Variants in SLC45A4 observed in about 807,000 individuals in gnomAD.
SLC45A4 encodes the protein polyamine-transporter SLC45A4.
SLC45A4 carries 32 observed loss-of-function variants against 63.7 expected under a neutral mutation model. The ratio of observed to expected loss-of-function variants is 0.50; its 90% CI spans 0.38 to 0.67. The LOEUF is 0.67. Among genes scored for constraint, SLC45A4 ranks in the 30% least tolerant of loss-of-function variants. SLC45A4 has a pLI of 0.00. For synonymous variants in SLC45A4, 535 were observed against 510.0 expected (o/e 1.05, Z -0.66); for missense variants, 1,027 against 1,157.7 (o/e 0.89, Z 1.64).
intron 1 of SLC45A4, among the ~76,000 whole-genome samples, chr8:141,290,746 C>CACGCTGCGTGTGGTCTT (rs1830315703): frequency 6.6e-6 from 1 of 152,248 alleles, no homozygotes; most frequent in South Asian, 2.1e-4. Context: ...CCAGGCAGCC[C>CACGCTGCGTGTGGTCTT]ACGCTGCGTG....
intron 4 of SLC45A4, 127 bp downstream of exon 4, chr8:141,219,523 G>A: frequency 8.4e-7 from 1 of 1,195,028 alleles, no homozygotes; most frequent in Non-Finnish European, 1.1e-6. Context: ...CTAAGACCCT[G>A]CCCACTGCCT....
At chr8:141,269,159 G>C (rs1478109751) in intron 1 of SLC45A4, among the ~76,000 whole-genome samples, 2 of 152,246 alleles carry the variant, frequency 1.3e-5, no homozygotes, top group Non-Finnish European at 1.5e-5. Flanking sequence ...AGGCTGCGCT[G>C]TCACCCTGGC....
rs1198494313 is a variant in SLC45A4, at chr8:141,278,390, T to C, written c.-400-23761A>G. 1.3e-5 allele frequency: 2 copies of C among 151,750 alleles called. No homozygotes were observed. The highest frequency in any genetic ancestry group is 2.9e-5 in the Non-Finnish European group (2 of 68,552). 9.4% of individuals were successfully genotyped at this position (151,750 alleles called of 1,614,324 possible). On this transcript the variant is annotated intron_variant, in intron 1 of 8. Transcript: ENST00000517878. This position sits in a 1 kb window ranked among gnomAD's most constrained non-coding sequence, Gnocchi z 4.1. The stretch of plus-strand genomic sequence containing the variant: ...CATAAGGACACTAGCGGGACAGGGG[T>C]GAGCACCTGCGGTGGAAGCGGGGCG...
chr8:141,268,323 A>C (rs1257393976), intron 1 of SLC45A4, among the ~76,000 whole-genome samples: 2 of 152,200 alleles, frequency 1.3e-5, no homozygotes, highest in African/African-American at 2.4e-5. Context: ...AGAGAGGCTG[A>C]GGAGGGTGTC....
intron 1 of SLC45A4, among the ~76,000 whole-genome samples, chr8:141,258,863 T>C (rs1316479186): frequency 6.6e-6 from 1 of 150,894 alleles, no homozygotes; most frequent in Non-Finnish European, 1.5e-5. Flanking sequence ...TGAACTCCAG[T>C]CTGCGAGACA....
intron 1 of SLC45A4, among the ~76,000 whole-genome samples, chr8:141,286,946 C>CG (rs1438714057): frequency 3.3e-5 from 5 of 152,104 alleles, no homozygotes; most frequent in Admixed American, 6.5e-5. Context: ...CTGGCGGCCA[C>CG]GGGGCTCCCT....
intron 6 of SLC45A4, 30 bp downstream of exon 6, chr8:141,217,060 G>C (rs770104274): frequency 3.7e-6 from 6 of 1,604,932 alleles, no homozygotes; most frequent in Non-Finnish European, 4.3e-6. Flanking sequence ...TCTGGGGTGC[G>C]AGTGCTGACC....
At chr8:141,301,762 A>AAAAAAAAAAC (rs71322124) in intron 1 of SLC45A4, among the ~76,000 whole-genome samples, 1 of 126,624 alleles carries the variant, frequency 7.9e-6, no homozygotes, top group Admixed American at 8.4e-5. Flanking sequence ...AAAAAAAAAA[A>AAAAAAAAAAC]TCCTGGGCAA....
At chr8:141,212,868 C>T (rs1160489330) in intron 7 of SLC45A4, among the ~76,000 whole-genome samples, 1 of 152,204 alleles carries the variant, frequency 6.6e-6, no homozygotes, top group Middle Eastern at 3.2e-3. Context: ...CAGGCTCCAC[C>T]AGGCGGGCTC....
chr8:141,299,892 T>C (rs1044227544), intron 1 of SLC45A4, among the ~76,000 whole-genome samples: 1 of 152,192 alleles, frequency 6.6e-6, no homozygotes, highest in African/African-American at 2.4e-5. Flanking sequence ...AAGGGACCAA[T>C]GGAGGATCCC....
chr8:141,228,456 C>G (rs1322143371), intron 2 of SLC45A4: 1 of 1,378,006 alleles, frequency 7.3e-7, no homozygotes, highest in African/African-American at 1.5e-5. Context: ...TGTCTCAGGG[C>G]CGACCCTGTG....
intron 1 of SLC45A4, among the ~76,000 whole-genome samples, chr8:141,274,850 C>T (rs4961348): frequency 0.33 from 50,247 of 151,890 alleles, 8,626 homozygotes; most frequent in East Asian, 0.48. Flanking sequence ...CTCTGCAAAA[C>T]CCTTCTACTT....
Position 141,308,258 on chromosome 8 carries a change from C to G in SLC45A4, c.-563G>C, listed in dbSNP as rs933932520. ...GGCCGGCCGGGCGGTCAGTCAGCGA[C>G]GCGGGCGCGGAGAGAGCGCTGCGAG... On this transcript the variant is annotated 5_prime_UTR_variant, in exon 1 of 9. Coordinates refer to ENST00000517878, the MANE Select transcript of SLC45A4 (RefSeq NM_001286646.2). 1 of 147,532 alleles carries G rather than the reference C, an allele frequency of 6.8e-6. No homozygotes were observed. The highest frequency in any genetic ancestry group is 1.5e-5 in the Non-Finnish European group (1 of 66,056). The allele number at this position is 147,532 out of a possible 1,614,324, so 9.1% of individuals were successfully genotyped here.
intron 1 of SLC45A4, among the ~76,000 whole-genome samples, chr8:141,263,641 G>A (rs1829134213): frequency 6.6e-6 from 1 of 150,970 alleles, no homozygotes. Context: ...ATGGTGGCAT[G>A]TGCCTGTAAT....
At chr8:141,217,352 A>T (rs374730057) in intron 5 of SLC45A4, among the ~76,000 whole-genome samples, 163 bp from the exon 6 acceptor site, 16 of 152,354 alleles carry the variant, frequency 1.1e-4, no homozygotes, top group African/African-American at 3.8e-4. Flanking sequence ...TGCTATCTGT[A>T]AAGCATTTCC....
Position 141,218,941 on chromosome 8 carries a change from C to T in SLC45A4, c.699G>A (p.Val233=). The change falls in exon 5 of 9, where the codon GTG becomes GTA. Residue 233 remains valine (V), a synonymous_variant. Transcript: ENST00000517878. ...LGSWFRTQNQ[V]LFFFAAIIFT... ...AGATGATGGCGGCAAAGAAGAAGAG[C>T]ACCTGGTTCTGGGTCCGGAACCAGC... 6.2e-7 allele frequency: 1 copy of T among 1,613,744 alleles called. No individual in the cohort carries two copies. The highest frequency in any genetic ancestry group is 8.5e-7 in the Non-Finnish European group (1 of 1,179,942).
At chr8:141,231,618 C>G (rs1827361895) in intron 2 of SLC45A4, among the ~76,000 whole-genome samples, 1 of 152,188 alleles carries the variant, frequency 6.6e-6, no homozygotes, top group South Asian at 2.1e-4. Flanking sequence ...ACCTGGCCAC[C>G]TGGCATCTTC....
intron 2 of SLC45A4, among the ~76,000 whole-genome samples, chr8:141,223,748 A>G (rs75472454): frequency 2.6e-5 from 4 of 152,286 alleles, no homozygotes; most frequent in East Asian, 1.9e-4. Context: ...TTTTCCACAC[A>G]GCATTGAAGC....
At position 141,251,437 on chromosome 8, in the gene SLC45A4, G is replaced by A. The variant is rs143279160; in HGVS notation, c.241+2552C>T. ...CGCTGGTCGGGTCACTTTCTTTCTC[G>A]AAGCGCCCCCCCTGCCACAGAGCTA... On this transcript the variant is annotated intron_variant, in intron 2 of 8. Transcript: ENST00000517878. 3.5e-3 allele frequency among the ~76,000 whole-genome samples: 529 copies of A among 151,838 alleles called. 8 individuals are homozygous for A. Among genetic ancestry groups the A allele is most frequent in the African/African-American group, 0.012 (502 of 41,378 alleles).
Sources: allele counts gnomAD v4.1 joint callset (sites outside exome capture counted in the v4.1 genomes callset), GRCh38; gene constraint gnomAD v4.1.1; non-coding constraint Gnocchi (gnomAD v3.1); transcripts MANE v1.5; gene names NCBI Gene and HGNC (gene_info 2026-07-23, HGNC 2026-07-21).